Variants in WNT9B observed in about 807,000 individuals in gnomAD.
The protein encoded by WNT9B is Wnt family member 9B, also known as protein Wnt-9b.
Under a neutral mutation model 30.2 loss-of-function variants are expected in WNT9B, and 12 were observed. That is an observed-to-expected ratio of 0.40 (90% CI 0.26 to 0.64). The LOEUF (loss-of-function observed/expected upper bound fraction) is 0.64, where lower values mean the gene tolerates loss of function less well. WNT9B is among the 30% of genes least tolerant of loss of function. WNT9B has a pLI of 0.42. For missense variants in WNT9B, 442 were observed against 485.2 expected, an observed-to-expected ratio of 0.91 and a Z score of 0.84; for synonymous variants, 218 against 216.9, an observed-to-expected ratio of 1.01 and a Z score of -0.05.
intron 1 of WNT9B, among the ~76,000 whole-genome samples, chr17:46,846,040 T>C (rs2084772679): frequency 6.6e-6 from 1 of 151,860 alleles, no homozygotes; most frequent in African/African-American, 2.4e-5. Flanking sequence ...CTCCACCCAC[T>C]TCAGCCTCCC....
In WNT9B at chr17:46,872,573, C is replaced by T. The variant is rs530502749; in HGVS notation, c.134C>T (p.Pro45Leu). ...CCAGGATTGGGCACTGCGGCAGCCC[C>T]GGCACAGGGCGGGGCCCACCTGAAG... ...PFPGLGTAAA[P>L]AQGGAHLKQC... Residue 45 changes from proline (P) to leucine (L), a missense_variant, in exon 2 of 4, where the codon CCG (proline) becomes CTG (leucine). Pro to Leu is a moderately conservative substitution (Grantham distance 98). Transcript: ENST00000290015. The T allele has an allele frequency of 1.4e-5, 22 of 1,599,456 alleles. No individual in the cohort carries two copies. The highest frequency in any genetic ancestry group is 1.7e-4 in the Middle Eastern group (1 of 5,798).
intron 1 of WNT9B, among the ~76,000 whole-genome samples, chr17:46,839,972 CTTTCTCTTCT>C (rs2084687023): frequency 8.0e-6 from 1 of 124,842 alleles, no homozygotes; most frequent in Non-Finnish European, 1.7e-5. Flanking sequence ...TTCTTTCTTT[CTTTCTCTTCT>C]TTCTTTCTTT....
chr17:46,859,785 G>T (rs764863875), intron 1 of WNT9B, among the ~76,000 whole-genome samples: 3 of 152,140 alleles, frequency 2.0e-5, no homozygotes, highest in African/African-American at 4.8e-5. Flanking sequence ...GTTCATGGAA[G>T]ATTGACGTTC....
chr17:46,872,887 G>A (rs11654424), intron 2 of WNT9B, 114 bp downstream of exon 2: 393,687 of 1,254,948 alleles, frequency 0.31, 64,409 homozygotes, highest in East Asian at 0.52. Flanking sequence ...AGGCCACACT[G>A]CCCTTCCTGC....
At chr17:46,870,343 T>C (rs2085218342) in intron 1 of WNT9B, among the ~76,000 whole-genome samples, 1 of 152,008 alleles carries the variant, frequency 6.6e-6, no homozygotes, top group Admixed American at 6.6e-5. Context: ...TCAGCTGGAG[T>C]TGACATCCAG....
At chr17:46,855,519 C>A (rs1021224233) in intron 1 of WNT9B, among the ~76,000 whole-genome samples, 5 of 152,092 alleles carry the variant, frequency 3.3e-5, no homozygotes, top group African/African-American at 1.2e-4. Flanking sequence ...GCTAAGGTTC[C>A]CTAATGCTAA....
rs1257982928 is a variant in WNT9B at position 46,843,450 on chromosome 17, C to T, written c.95+10010C>T. Among the ~76,000 whole-genome samples the T allele has an allele frequency of 2.0e-5, 3 of 152,204 alleles. 1 individual carries two copies. The South Asian group carries it at 6.2e-4, about 31-fold the overall frequency. On this transcript the variant is annotated intron_variant, in intron 1 of 2. Coordinates refer to the WNT9B transcript ENST00000575372. ...AAAGAAGGACTGAAAAAAAAAATCA[C>T]TCTGCAAAATCCAGCTCAAACATTG...
At chr17:46,850,716 C>T (rs2084830722), upstream of WNT9B, among the ~76,000 whole-genome samples, 1 of 152,196 alleles carries the variant, frequency 6.6e-6, no homozygotes, top group African/African-American at 2.4e-5. Flanking sequence ...ACCTTCGCAG[C>T]AGAAATTGGG....
downstream of WNT9B, among the ~76,000 whole-genome samples, chr17:46,880,648 A>C (rs1408908939): frequency 6.6e-6 from 1 of 152,236 alleles, no homozygotes; most frequent in Non-Finnish European, 1.5e-5. Context: ...TGAGATGAGA[A>C]GCCTCCTCAT....
At chr17:46,837,678 G>A (rs916748464) in intron 1 of WNT9B, among the ~76,000 whole-genome samples, 9 of 152,198 alleles carry the variant, frequency 5.9e-5, no homozygotes, top group African/African-American at 2.2e-4. Context: ...GGAAGGTGGT[G>A]ATGCCCCTGC....
chr17:46,833,803 C>T (rs903518625), intron 1 of WNT9B, among the ~76,000 whole-genome samples: 12 of 152,148 alleles, frequency 7.9e-5, no homozygotes, highest in African/African-American at 1.9e-4. Context: ...GGCTCCTGAT[C>T]GGGAGGCTTG....
In WNT9B at chr17:46,876,831, TGTGTGCCAATGCACACGA is replaced by T; in HGVS notation, c.*122_*139del. 5 of 1,437,938 alleles carry T rather than the reference TGTGTGCCAATGCACACGA, an allele frequency of 3.5e-6. No homozygotes were observed. Among genetic ancestry groups the T allele is most frequent in the African/African-American group, 1.4e-5 (1 of 69,670 alleles). The allele number at this position is 1,437,938 out of a possible 1,614,324, so 89.1% of individuals were successfully genotyped here. On this transcript the variant is annotated 3_prime_UTR_variant, in exon 4 of 4. Coordinates refer to ENST00000290015, the MANE Select transcript of WNT9B (RefSeq NM_003396.3). ...CATCACATGCATGCATAAACCGGCA[TGTGTGCCAATGCACACGA>T]GTGTGCCACTCACCACCATTCCTTG...
upstream of WNT9B, among the ~76,000 whole-genome samples, chr17:46,850,318 G>C (rs1047768527): frequency 6.6e-6 from 1 of 152,340 alleles, no homozygotes; most frequent in African/African-American, 2.4e-5. Flanking sequence ...TGGCAGAGCT[G>C]TTAGGAATCA....
At chr17:46,869,957 C>A (rs1486983667) in intron 1 of WNT9B, among the ~76,000 whole-genome samples, 1 of 151,968 alleles carries the variant, frequency 6.6e-6, no homozygotes, top group African/African-American at 2.4e-5. Context: ...TGAGATCACA[C>A]CACTGCACTC....
chr17:46,849,864 T>TTTTTG (rs1568118202), upstream of WNT9B, among the ~76,000 whole-genome samples: 1 of 151,836 alleles, frequency 6.6e-6, no homozygotes, highest in Non-Finnish European at 1.5e-5. Context: ...TTTTTTTGTT[T>TTTTTG]TGAGATGGAG....
rs1412072667 is a variant in WNT9B, at chr17:46,875,248, T to A, written c.482T>A (p.Val161Glu). ...AGCCGGCAGGCCTGGCAGTGGGGCG[T>A]GTGCGGTGACAACCTCAAGTACAGC... The part of the protein sequence containing the change: ...LESRQAWQWG[V>E]CGDNLKYSTK... Residue 161 changes from valine (V) to glutamate (E), a missense_variant, in exon 3 of 4, where the codon GTG (valine) becomes GAG (glutamate). Val to Glu is a moderately radical substitution (Grantham distance 121). Transcript: ENST00000290015. The A allele has an allele frequency of 4.3e-6, 7 of 1,614,104 alleles. No homozygotes were observed. Among genetic ancestry groups the A allele is most frequent in the Non-Finnish European group, 5.9e-6 (7 of 1,180,008 alleles).
upstream of WNT9B, among the ~76,000 whole-genome samples, chr17:46,849,714 A>G (rs1011316754): frequency 2.6e-5 from 4 of 152,224 alleles, no homozygotes; most frequent in Non-Finnish European, 5.9e-5. Context: ...AGGCACAGAG[A>G]TCAACAGATG....
intron 1 of WNT9B, among the ~76,000 whole-genome samples, chr17:46,860,978 C>T (rs1877771524): frequency 6.6e-6 from 1 of 152,198 alleles, no homozygotes; most frequent in African/African-American, 2.4e-5. Context: ...CCTGCCTCTG[C>T]CTTCTGAGTA....
chr17:46,885,805 GGCCTCCTTATT>G (rs2146631387), exon 5 of WNT9B: 1 of 152,330 alleles, frequency 6.6e-6, no homozygotes, highest in Admixed American at 6.5e-5. Context: ...CCTGACACAC[GGCCTCCTTATT>G]GCCCCTGCTA....
Sources: allele counts gnomAD v4.1 joint callset (sites outside exome capture counted in the v4.1 genomes callset), GRCh38; gene constraint gnomAD v4.1.1; transcripts MANE v1.5; gene names NCBI Gene and HGNC (gene_info 2026-07-23, HGNC 2026-07-21).